The following INTS9 variants were observed in gnomAD, a reference collection of about 807,000 sequenced individuals.
INTS9 encodes protein related to CPSF subunits of 74 kDa.
Under a neutral mutation model 79.7 loss-of-function variants are expected in INTS9, and 55 were observed. The ratio of observed to expected loss-of-function variants is 0.69; its 90% confidence interval spans 0.56 to 0.86. The LOEUF (loss-of-function observed/expected upper bound fraction) is 0.86, where lower values mean the gene tolerates loss of function less well. Ranked by LOEUF, INTS9 falls within the 40% of genes least tolerant of loss-of-function variation. The pLI is 0.00. For missense variants in INTS9, 721 were observed against 831.5 expected, an observed-to-expected ratio of 0.87 and a Z score of 1.64; for synonymous variants, 319 against 325.2, an observed-to-expected ratio of 0.98 and a Z score of 0.20.
intron 6 of INTS9, among the ~76,000 whole-genome samples, chr8:28,818,264 TTCAG>T (rs1331933614): frequency 6.8e-6 from 1 of 148,106 alleles, no homozygotes; most frequent in East Asian, 2.0e-4. Flanking sequence ...TTTTTGCCCA[TTCAG>T]TATGATATTG....
In INTS9 at chr8:28,780,986, C is replaced by T. The variant is rs34731600; in HGVS notation, c.1107G>A (p.Gln369=). ...EPPFPHAELI[Q]TNKLKHYPSI... is the part of the protein sequence containing the mutation. ...TGGGGTAGTGCTTCAGCTTATTGGT[C>T]TGAATGAGCTGGAAAATATAGAAAA... The change falls in exon 12 of 17, where the codon CAG becomes CAA. Residue 369 remains glutamine, a synonymous_variant. Coordinates refer to ENST00000521022, the MANE Select transcript of INTS9 (RefSeq NM_018250.4). 1.5e-3 allele frequency: 2,371 copies of T among 1,612,814 alleles called. 28 individuals are homozygous for T. The African/African-American group carries it at 0.029, about 20-fold the overall frequency.
chr8:28,881,131 G>GC (rs1376581700), intron 1 of INTS9, among the ~76,000 whole-genome samples: 6 of 146,326 alleles, frequency 4.1e-5, no homozygotes, highest in African/African-American at 1.5e-4. Context: ...AGGTGGGGGG[G>GC]TCAGCCCCCC....
chr8:28,871,654 C>A (rs1259142738), intron 1 of INTS9, among the ~76,000 whole-genome samples: 1 of 152,116 alleles, frequency 6.6e-6, no homozygotes, highest in Non-Finnish European at 1.5e-5. Flanking sequence ...AATCCGCTCA[C>A]CTCGGCCTTC....
At chr8:28,789,995 C>T (rs747397018) in intron 10 of INTS9, among the ~76,000 whole-genome samples, 4 of 152,164 alleles carry the variant, frequency 2.6e-5, no homozygotes, top group Non-Finnish European at 5.9e-5. Context: ...AAAACAAAAC[C>T]AACCCAAACA....
At chr8:28,771,425 G>A (rs917141049) in intron 14 of INTS9, among the ~76,000 whole-genome samples, 4 of 152,078 alleles carry the variant, frequency 2.6e-5, no homozygotes, top group African/African-American at 7.2e-5. Flanking sequence ...GTATCTTTCC[G>A]ACCACCTGCA....
At chr8:28,855,536 G>A (rs1051174080) in intron 2 of INTS9, among the ~76,000 whole-genome samples, 9 of 152,158 alleles carry the variant, frequency 5.9e-5, no homozygotes, top group South Asian at 2.1e-4. Context: ...ATTGAAAGTC[G>A]TTATATGAAA....
At chr8:28,874,295 T>TC (rs1809253389) in intron 1 of INTS9, among the ~76,000 whole-genome samples, 2 of 151,950 alleles carry the variant, frequency 1.3e-5, no homozygotes, top group East Asian at 3.9e-4. Context: ...AACTGTTTTT[T>TC]TTTTTTTGTT....
intron 11 of INTS9, among the ~76,000 whole-genome samples, chr8:28,786,829 T>C (rs560013060): frequency 6.6e-6 from 1 of 152,288 alleles, no homozygotes; most frequent in East Asian, 1.9e-4. Context: ...GCCATTCTCC[T>C]GCTTCAGCCT....
chr8:28,803,951 T>G (rs1804662828), intron 8 of INTS9, among the ~76,000 whole-genome samples: 1 of 152,086 alleles, frequency 6.6e-6, no homozygotes, highest in Non-Finnish European at 1.5e-5. Context: ...TGAGACAGGG[T>G]CTCACTTTGT....
intron 8 of INTS9, among the ~76,000 whole-genome samples, chr8:28,802,377 C>T (rs981785338): frequency 1.3e-5 from 2 of 152,144 alleles, no homozygotes; most frequent in Admixed American, 6.5e-5. Context: ...AACCACTGCT[C>T]GAAGGCAGAC....
chr8:28,868,157 G>C (rs1585506931), intron 1 of INTS9, among the ~76,000 whole-genome samples: 1 of 152,324 alleles, frequency 6.6e-6, no homozygotes, highest in East Asian at 1.9e-4. Context: ...TAAGAATGCA[G>C]ATGAGTTTAT....
chr8:28,793,536 A>G (rs1359203458), intron 10 of INTS9, among the ~76,000 whole-genome samples: 1 of 152,172 alleles, frequency 6.6e-6, no homozygotes, highest in Non-Finnish European at 1.5e-5. Context: ...GTGACATGTG[A>G]TAAGTATATA....
intron 3 of INTS9, 44 bp from the exon 4 acceptor site, chr8:28,846,853 T>G (rs759956769): frequency 7.0e-7 from 1 of 1,421,038 alleles, no homozygotes; most frequent in African/African-American, 1.4e-5. Flanking sequence ...AGATATCCAG[T>G]AGATACAGGA....
intron 1 of INTS9, among the ~76,000 whole-genome samples, chr8:28,880,655 T>A: frequency 6.8e-6 from 1 of 148,098 alleles, no homozygotes; most frequent in African/African-American, 2.5e-5. Flanking sequence ...GAGCCGAGAT[T>A]GCAGCCTCTG....
intron 14 of INTS9, among the ~76,000 whole-genome samples, chr8:28,771,948 C>T (rs1171909915): frequency 6.6e-6 from 1 of 152,112 alleles, no homozygotes; most frequent in Non-Finnish European, 1.5e-5. Context: ...GCAACCTCAA[C>T]CTCCTGGGCT....
At chr8:28,852,175 T>C (rs1168997516) in intron 2 of INTS9, among the ~76,000 whole-genome samples, 1 of 152,082 alleles carries the variant, frequency 6.6e-6, no homozygotes, top group African/African-American at 2.4e-5. Flanking sequence ...GCTGTGATTG[T>C]GCCACTGCCA....
At chr8:28,813,363 G>C (rs1805273356) in intron 7 of INTS9, 129 bp downstream of exon 7, 1 of 909,556 alleles carries the variant, frequency 1.1e-6, no homozygotes, top group East Asian at 2.5e-5. Flanking sequence ...ACGGAGGAAA[G>C]AACAGAGGCT....
chr8:28,791,613 A>G (rs1432214520), intron 10 of INTS9, among the ~76,000 whole-genome samples: 1 of 152,192 alleles, frequency 6.6e-6, no homozygotes, highest in East Asian at 1.9e-4. Flanking sequence ...CCATACAGAT[A>G]TACGTAGGTG....
chr8:28,881,847 C>G (rs1346593704), intron 1 of INTS9, among the ~76,000 whole-genome samples: 1 of 140,650 alleles, frequency 7.1e-6, no homozygotes, highest in Non-Finnish European at 1.6e-5. Flanking sequence ...GTCAGCCCCC[C>G]GCCCGGCCAG....
Sources: allele counts gnomAD v4.1 joint callset (sites outside exome capture counted in the v4.1 genomes callset), GRCh38; gene constraint gnomAD v4.1.1; transcripts MANE v1.5; gene names NCBI Gene and HGNC (gene_info 2026-07-23, HGNC 2026-07-21).